KALRN: variants seen among roughly 807,000 people sequenced by gnomAD.
KALRN encodes the protein kalirin.
In KALRN, 70 loss-of-function variants were observed where a neutral mutation model predicts 353.7. That is an observed-to-expected ratio of 0.20 (90% CI 0.16 to 0.24). The LOEUF (loss-of-function observed/expected upper bound fraction) is 0.24. Ranked by LOEUF, KALRN falls within the 10% of genes least tolerant of loss-of-function variation. The probability of loss-of-function intolerance (pLI) is 1.00; values close to 1 mark genes in which losing one functional copy is unlikely to be tolerated. For missense variants in KALRN, 2,791 were observed against 3,756.7 expected (o/e 0.74, Z 6.72); for synonymous variants, 1,391 against 1,434.8 (o/e 0.97, Z 0.69).
chr3:124,489,089 C>G (rs1336250265), intron 29 of KALRN, among the ~76,000 whole-genome samples: 1 of 152,034 alleles, frequency 6.6e-6, no homozygotes, highest in African/African-American at 2.4e-5. Flanking sequence ...GGTGGATCAC[C>G]TGAGGTCAGG....
At chr3:124,387,965 A>C (rs892395715) in intron 11 of KALRN, among the ~76,000 whole-genome samples, 1 of 152,046 alleles carries the variant, frequency 6.6e-6, no homozygotes, top group Non-Finnish European at 1.5e-5. Context: ...GTGATTTGCT[A>C]GGCAGGGTAG....
At chr3:124,465,955 AT>A (rs2060291780) in intron 25 of KALRN, among the ~76,000 whole-genome samples, 1 of 152,174 alleles carries the variant, frequency 6.6e-6, no homozygotes, top group Non-Finnish European at 1.5e-5. Flanking sequence ...GTGAATACAT[AT>A]CTTAACTAGA....
chr3:124,165,100 G>C (rs1164339486), intron 1 of KALRN, among the ~76,000 whole-genome samples: 1 of 152,198 alleles, frequency 6.6e-6, no homozygotes, highest in Non-Finnish European at 1.5e-5. Flanking sequence ...ATGGAAACTT[G>C]TTATTCCTTT....
intron 1 of KALRN, among the ~76,000 whole-genome samples, chr3:124,146,427 C>G (rs2067331563): frequency 6.6e-6 from 1 of 151,942 alleles, no homozygotes; most frequent in African/African-American, 2.4e-5. Flanking sequence ...AAGTACTAGT[C>G]TATAACAGAT....
In KALRN at chr3:124,326,036, C is replaced by T. The variant is rs377686817; in HGVS notation, c.1149C>T (p.Ala383=). The change falls in exon 7 of 60, where the codon GCC becomes GCT. Residue 383 remains alanine (A), a synonymous_variant. Coordinates refer to ENST00000682506, the MANE Select transcript of KALRN (RefSeq NM_001388419.1). ...CCGTGGCTTCCCGCCTCTCTGAGGC[C>T]GGTCATTATGCCTCACAACAAATCA... is the stretch of plus-strand genomic sequence containing the variant. ...IMSVASRLSE[A]GHYASQQIKQ... is the part of the protein sequence containing the mutation. 2.2e-4 allele frequency: 352 copies of T among 1,613,750 alleles called. No homozygotes were observed. The highest frequency in any genetic ancestry group is 2.8e-4 in the Non-Finnish European group (331 of 1,179,822).
In KALRN at chr3:124,234,936, G is replaced by A. The variant is rs751354420; in HGVS notation, c.256G>A (p.Val86Met). ...GAAACTCGTGACGTATTTGGCCAGC[G>A]TGCCAAGGTAAGGGGAAGGGGAATG... ...LRKLVTYLAS[V>M]PSEDVCKRGF... The change falls in exon 3 of 60, where the codon GTG (valine) becomes ATG (methionine). Residue 86 changes from valine to methionine, a missense_variant. By Grantham distance (21) the Val-to-Met change is conservative (BLOSUM62 1). Around this residue, in one of 11 missense-constraint regions of KALRN, gnomAD observed 110 missense variants for 204.1 expected, o/e 0.54. Transcript: ENST00000682506. 5.6e-6 allele frequency: 9 copies of A among 1,598,148 alleles called. No individual in the cohort carries two copies. The highest frequency in any genetic ancestry group is 2.3e-5 in the East Asian group (1 of 44,188).
At chr3:124,156,072 C>A (rs921781584) in intron 1 of KALRN, among the ~76,000 whole-genome samples, 1 of 152,162 alleles carries the variant, frequency 6.6e-6, no homozygotes, top group East Asian at 1.9e-4. Context: ...TCTGGCCAAG[C>A]CCTCATTCAT....
chr3:124,221,293 G>A (rs1383166433), intron 1 of KALRN, among the ~76,000 whole-genome samples: 2 of 152,164 alleles, frequency 1.3e-5, no homozygotes, highest in African/African-American at 2.4e-5. Context: ...CATCTTCTCT[G>A]TGGAGACTGA....
chr3:124,268,163 C>T (rs1006205578), intron 4 of KALRN, among the ~76,000 whole-genome samples: 1 of 152,182 alleles, frequency 6.6e-6, no homozygotes, highest in African/African-American at 2.4e-5. Context: ...TCTCCAGGAG[C>T]TTGTAGGGGC....
intron 47 of KALRN, among the ~76,000 whole-genome samples, chr3:124,668,580 G>A (rs180789404): frequency 1.5e-3 from 227 of 152,306 alleles, no homozygotes; most frequent in Non-Finnish European, 2.6e-3. Flanking sequence ...GACTTTTTAA[G>A]ATAGAACATG....
intron 33 of KALRN, among the ~76,000 whole-genome samples, chr3:124,551,138 G>A (rs1427442770): frequency 6.6e-6 from 1 of 152,164 alleles, no homozygotes; most frequent in Admixed American, 6.5e-5. Context: ...GACAAAGGAG[G>A]CATGATGTCA....
rs2070906343 is a variant in KALRN, at chr3:124,554,119, G to C, written c.4936-8724G>C. Among the ~76,000 whole-genome samples, 5 of 152,236 alleles carry C rather than the reference G, an allele frequency of 3.3e-5. No homozygotes were observed. The South Asian group carries it at 1.0e-3, about 32-fold the overall frequency. On this transcript the variant is annotated intron_variant, in intron 33 of 59. Transcript: ENST00000682506. Reference sequence around the variant, plus strand: ...GCCTGTAACTCTAGCACTTTGGGAGGCCAGGGTGGGAGGATCACTTCAGCC... The same window carrying C: ...GCCTGTAACTCTAGCACTTTGGGAGCCCAGGGTGGGAGGATCACTTCAGCC...
intron 32 of KALRN, among the ~76,000 whole-genome samples, chr3:124,495,959 ATGTATG>A (rs1319968961): frequency 0.046 from 1,514 of 32,626 alleles, 115 homozygotes; most frequent in African/African-American, 0.15. Context: ...GTGTATGTGT[ATGTATG>A]TATATATATA....
chr3:124,690,987 C>T (rs1360680500), intron 51 of KALRN, among the ~76,000 whole-genome samples: 1 of 152,218 alleles, frequency 6.6e-6, no homozygotes, highest in Non-Finnish European at 1.5e-5. Context: ...AATATGTATT[C>T]ACCAACATTT....
chr3:124,505,330 A>C (rs144064325), intron 33 of KALRN, among the ~76,000 whole-genome samples: 88 of 152,258 alleles, frequency 5.8e-4, no homozygotes, highest in Non-Finnish European at 1.2e-3. Context: ...AATAAACTTA[A>C]AAACTTTAAG....
intron 1 of KALRN, among the ~76,000 whole-genome samples, chr3:124,176,446 C>T (rs1428669392): frequency 2.6e-5 from 4 of 152,150 alleles, no homozygotes; most frequent in African/African-American, 9.7e-5. Context: ...CAGTCCTCAC[C>T]GTTGACTGGT....
chr3:124,601,603 A>G (rs755366908), intron 34 of KALRN, among the ~76,000 whole-genome samples: 3 of 152,040 alleles, frequency 2.0e-5, no homozygotes, highest in Non-Finnish European at 4.4e-5. Flanking sequence ...ACTATTAAGG[A>G]CCTTTATATG....
intron 51 of KALRN, among the ~76,000 whole-genome samples, chr3:124,692,796 C>T (rs1041816262): frequency 9.9e-5 from 15 of 152,190 alleles, no homozygotes; most frequent in South Asian, 2.1e-4. Flanking sequence ...TCAGTTATTA[C>T]GTAATTAACA....
At chr3:124,485,771 T>A (rs1033031999) in intron 28 of KALRN, among the ~76,000 whole-genome samples, 3 of 152,012 alleles carry the variant, frequency 2.0e-5, no homozygotes, top group African/African-American at 7.2e-5. Context: ...TCCCAGCTAC[T>A]TGGGAGGCTG....
Sources: allele counts gnomAD v4.1 joint callset (sites outside exome capture counted in the v4.1 genomes callset), GRCh38; gene constraint gnomAD v4.1.1; regional missense constraint gnomAD v4.1.1; transcripts MANE v1.5; gene names NCBI Gene and HGNC (gene_info 2026-07-23, HGNC 2026-07-21).